MARK3: variants seen among roughly 807,000 people sequenced by gnomAD.
MARK3 encodes MAP/microtubule affinity-regulating kinase 3.
In MARK3, 46 loss-of-function variants were observed where a neutral mutation model predicts 90.1. That is an observed-to-expected ratio of 0.51 (90% CI 0.40 to 0.65). The LOEUF (loss-of-function observed/expected upper bound fraction) is 0.65, where lower values mean the gene tolerates loss of function less well. Ranked by LOEUF, MARK3 falls within the 30% of genes least tolerant of loss-of-function variation. The pLI is 0.00. For synonymous variants in MARK3, 321 were observed against 332.6 expected, an observed-to-expected ratio of 0.97 and a Z score of 0.38; for missense variants, 818 against 947.2, an observed-to-expected ratio of 0.86 and a Z score of 1.79.
intron 3 of MARK3, among the ~76,000 whole-genome samples, chr14:103,430,939 G>A (rs746308500): frequency 4.3e-4 from 65 of 152,114 alleles, no homozygotes; most frequent in Non-Finnish European, 6.5e-4. Context: ...GGCTTAAGCA[G>A]TCCTTCCACT....
intron 3 of MARK3, among the ~76,000 whole-genome samples, chr14:103,428,809 A>G (rs1473927020): frequency 6.6e-6 from 1 of 152,182 alleles, no homozygotes; most frequent in Non-Finnish European, 1.5e-5. Context: ...TTTGTACCTT[A>G]TAGCTAATAC....
chr14:103,446,710 C>CTTTTTTTTTTTTTTTT (rs746523547), intron 3 of MARK3, among the ~76,000 whole-genome samples: 2 of 98,050 alleles, frequency 2.0e-5, no homozygotes, highest in African/African-American at 1.1e-4. Flanking sequence ...AGATTGTTGT[C>CTTTTTTTTTTTTTTTT]TTTTTTTTTT....
intron 2 of MARK3, among the ~76,000 whole-genome samples, chr14:103,425,575 T>C (rs1007172436): frequency 4.6e-5 from 7 of 152,192 alleles, no homozygotes; most frequent in African/African-American, 1.7e-4. Flanking sequence ...ATTTATTGAG[T>C]ACTCCTTATG....
chr14:103,443,359 T>C (rs530625129), intron 3 of MARK3, among the ~76,000 whole-genome samples: 1 of 152,234 alleles, frequency 6.6e-6, no homozygotes, highest in South Asian at 2.1e-4. Context: ...GAAACAATGC[T>C]ATTGAAATAT....
At chr14:103,451,475 G>T (rs1328717403) in intron 4 of MARK3, among the ~76,000 whole-genome samples, 3 of 152,124 alleles carry the variant, frequency 2.0e-5, no homozygotes. Flanking sequence ...AGCAATAAAG[G>T]TCTCAAATAG....
chr14:103,455,016 A>G (rs1220186121), intron 5 of MARK3, among the ~76,000 whole-genome samples: 5 of 151,786 alleles, frequency 3.3e-5, no homozygotes, highest in Non-Finnish European at 5.9e-5. Flanking sequence ...TAATAAGGAA[A>G]AAAGATCTGG....
chr14:103,475,947 A>G (rs1447844648), intron 13 of MARK3, among the ~76,000 whole-genome samples: 1 of 152,056 alleles, frequency 6.6e-6, no homozygotes, highest in Non-Finnish European at 1.5e-5. Flanking sequence ...CTTCTCAAAA[A>G]AAAAAAAAAA....
At chr14:103,406,262 AGCCCAGGC>A (rs796216246) in intron 2 of MARK3, among the ~76,000 whole-genome samples, 6 of 151,694 alleles carry the variant, frequency 4.0e-5, no homozygotes, top group African/African-American at 1.5e-4. Context: ...CTTGCCCTGT[AGCCCAGGC>A]CTGGAGTGAA....
intron 3 of MARK3, among the ~76,000 whole-genome samples, chr14:103,443,378 C>T (rs183987964): frequency 8.5e-4 from 129 of 152,236 alleles, no homozygotes; most frequent in African/African-American, 3.0e-3. Context: ...ATATTGGAAA[C>T]AGGAACGAAA....
At chr14:103,473,838 T>C (rs1363186801) in intron 12 of MARK3, among the ~76,000 whole-genome samples, 1 of 152,066 alleles carries the variant, frequency 6.6e-6, no homozygotes, top group Non-Finnish European at 1.5e-5. Context: ...GTGTTGGAAT[T>C]ACAAGCATGA....
At position 103,450,875 on chromosome 14, in the gene MARK3, AGTGTGTGTGT is replaced by A. The variant is rs61183226; in HGVS notation, c.347-1010_347-1001del. 4.3e-3 allele frequency among the ~76,000 whole-genome samples: 493 copies of A among 114,872 alleles called. 4 individuals are homozygous for A. The highest frequency in any genetic ancestry group is 7.1e-3 in the African/African-American group (216 of 30,548). The allele number at this position is 114,872 out of a possible 152,430, so 75.4% of individuals were successfully genotyped here. On this transcript the variant is annotated intron_variant, in intron 4 of 17. Transcript: ENST00000429436. ...GGATTTACTCCAGTTTCATTTTTAA[AGTGTGTGTGT>A]GTGTGTGTGTGTGTGTGTGTGTGTG...
intron 3 of MARK3, among the ~76,000 whole-genome samples, chr14:103,446,022 G>A: frequency 6.6e-6 from 1 of 152,206 alleles, no homozygotes; most frequent in East Asian, 1.9e-4. Flanking sequence ...CAGGTATACA[G>A]TAGTGAAAGG....
chr14:103,443,564 C>T (rs1024957135), intron 3 of MARK3, among the ~76,000 whole-genome samples: 1 of 152,120 alleles, frequency 6.6e-6, no homozygotes, highest in South Asian at 2.1e-4. Context: ...GAGGCATTCT[C>T]AGGAAGAGCA....
chr14:103,428,345 A>G, intron 2 of MARK3, 42 bp from the exon 3 acceptor site: 1 of 1,097,058 alleles, frequency 9.1e-7, no homozygotes, highest in African/African-American at 1.6e-5. Context: ...GTCCATAATT[A>G]CTAAATTCTT....
At chr14:103,472,828 A>G (rs748611968) in intron 12 of MARK3, among the ~76,000 whole-genome samples, 15 of 151,890 alleles carry the variant, frequency 9.9e-5, no homozygotes, top group South Asian at 2.1e-4. Flanking sequence ...AACATGGTGA[A>G]ACCCCGTCTC....
At chr14:103,386,143 T>C (rs2089770331) in intron 1 of MARK3, 63 bp downstream of exon 1, 1 of 1,476,104 alleles carries the variant, frequency 6.8e-7, no homozygotes, top group Non-Finnish European at 9.5e-7. Context: ...CCTCGGGCAG[T>C]GCCTTGCAGT....
chr14:103,467,271 T>G lies in MARK3; in HGVS notation c.1110+80T>G, dbSNP rs1452773660. 3.7e-5 allele frequency: 24 copies of G among 647,142 alleles called. No individual in the cohort carries two copies. The East Asian group carries it at 6.9e-4, about 19-fold the overall frequency. The allele number at this position is 647,142 out of a possible 1,614,324, so 40.1% of individuals were successfully genotyped here. The stretch of plus-strand genomic sequence containing the variant: ...AAACTGTTTTCTTAGTTTTTATCTT[T>G]TGAATATTTGTAACATTTGATACAT... On this transcript the variant is annotated intron_variant, in intron 11 of 17. Transcript: ENST00000429436.
At chr14:103,415,125 C>G (rs989473833) in intron 2 of MARK3, among the ~76,000 whole-genome samples, 3 of 115,338 alleles carry the variant, frequency 2.6e-5, no homozygotes, top group Non-Finnish European at 4.9e-5. Context: ...ACACTCCAGC[C>G]TGGCAACAGA....
rs2090486611 is a variant in MARK3 at position 103,394,964 on chromosome 14, G to GTAGA, written c.51+8885_51+8888dup. Among the ~76,000 whole-genome samples, 5 of 152,146 alleles carry GTAGA rather than the reference G, an allele frequency of 3.3e-5. No individual in the cohort carries two copies. The South Asian group carries it at 1.0e-3, about 32-fold the overall frequency. On this transcript the variant is annotated intron_variant, in intron 1 of 17. Coordinates refer to ENST00000429436, the MANE Select transcript of MARK3 (RefSeq NM_001128918.3). Reference sequence around the variant, plus strand: ...CGCCTGGCTAATTTTTGTATTTTTAGTAGAAACGGGGTTTCACCATGGCCA... The same window carrying GTAGA: ...CGCCTGGCTAATTTTTGTATTTTTAGTAGATAGAAACGGGGTTTCACCATGGCCA...
Sources: gnomAD v4.1 joint callset for allele counts (sites outside exome capture counted in the v4.1 genomes callset) on GRCh38, gnomAD v4.1.1 for gene constraint, MANE v1.5 for transcripts, NCBI Gene and HGNC (gene_info 2026-07-23, HGNC 2026-07-21) for gene names.